Variants in GDA observed in about 807,000 individuals in gnomAD.
GDA encodes the protein guanine deaminase.
A neutral mutation model predicts 59.6 loss-of-function variants in GDA; 18 were observed. The ratio of observed to expected loss-of-function variants is 0.30; its 90% confidence interval spans 0.21 to 0.45. The LOEUF (loss-of-function observed/expected upper bound fraction) is 0.45. GDA is among the 20% of genes least tolerant of loss of function. The pLI, the probability that GDA is intolerant of heterozygous loss-of-function variation, is 1.00. For synonymous variants in GDA, 201 were observed against 201.1 expected (o/e 1.00, Z 0.00); for missense variants, 427 against 552.3 (o/e 0.77, Z 2.27).
At chr9:72,168,804 G>T (rs1338842244) in intron 1 of GDA, among the ~76,000 whole-genome samples, 1 of 152,164 alleles carries the variant, frequency 6.6e-6, no homozygotes, top group Non-Finnish European at 1.5e-5. Context: ...CTATTTTTCA[G>T]ATGAGGAAAC....
At chr9:72,193,334 G>A (rs1832777193) in intron 1 of GDA, among the ~76,000 whole-genome samples, 1 of 152,224 alleles carries the variant, frequency 6.6e-6, no homozygotes, top group Admixed American at 6.5e-5. Context: ...ATCTGCTTTA[G>A]GGGGCACCCC....
chr9:72,211,627 G>A (rs190074692), intron 4 of GDA, among the ~76,000 whole-genome samples: 213 of 152,306 alleles, frequency 1.4e-3, no homozygotes, highest in Non-Finnish European at 1.2e-3. Flanking sequence ...AGAGAACCCA[G>A]AACTACGACA....
At chr9:72,225,330 A>G (rs546242927) in intron 7 of GDA, among the ~76,000 whole-genome samples, 1 of 152,274 alleles carries the variant, frequency 6.6e-6, no homozygotes, top group East Asian at 1.9e-4. Flanking sequence ...TAGGGTCCTG[A>G]CTATCTTCAA....
chr9:72,174,777 G>C lies in GDA; in HGVS notation c.124-20723G>C, dbSNP rs138363508. ...ATATATATATAGAGAGAGAGAGAGA[G>C]AGACAGACAGACAGACAGAGACAGA... On this transcript the variant is annotated intron_variant, in intron 1 of 13. Coordinates refer to ENST00000358399, the MANE Select transcript of GDA (RefSeq NM_004293.5). 8.1e-3 allele frequency among the ~76,000 whole-genome samples: 1,223 copies of C among 151,906 alleles called. 13 individuals carry two copies. Among genetic ancestry groups the C allele is most frequent in the African/African-American group, 0.027 (1,114 of 41,338 alleles).
chr9:72,175,766 C>G (rs1830475508), intron 1 of GDA, among the ~76,000 whole-genome samples: 1 of 152,138 alleles, frequency 6.6e-6, no homozygotes, highest in African/African-American at 2.4e-5. Flanking sequence ...ACTTTTACAA[C>G]AGAATACCTT....
At chr9:72,132,346 C>T (rs1039857917) in intron 1 of GDA, among the ~76,000 whole-genome samples, 1 of 152,124 alleles carries the variant, frequency 6.6e-6, no homozygotes, top group East Asian at 1.9e-4. Context: ...AGAACACTCT[C>T]CCATGTCACA....
chr9:72,248,965 C>A lies in GDA; in HGVS notation c.*623C>A. 2 of 984,378 alleles carry A rather than the reference C, an allele frequency of 2.0e-6. No homozygotes were observed. The highest frequency in any genetic ancestry group is 2.4e-6 in the Non-Finnish European group (2 of 828,630). 61.0% of individuals were successfully genotyped at this position (984,378 alleles called of 1,614,324 possible). A position where few individuals can be genotyped will look rare whatever the true frequency, so the allele number is the denominator to read the frequency against. On this transcript the variant is annotated 3_prime_UTR_variant, in exon 14 of 14. Transcript: ENST00000358399. ...ATGTGTTAGTGTTGTGCTTTGCCTTCTTTGGCGATGAATGTCAGAAATTGA... is the reference window on the plus strand; with the variant it reads ...ATGTGTTAGTGTTGTGCTTTGCCTTATTTGGCGATGAATGTCAGAAATTGA...
In GDA at chr9:72,251,383, A is replaced by G. The variant is rs1840667475; in HGVS notation, c.*3041A>G. The G allele has an allele frequency of 6.5e-6, 1 of 153,260 alleles. No individual in the cohort carries two copies. Among genetic ancestry groups the G allele is most frequent in the African/African-American group, 2.4e-5 (1 of 41,414 alleles). The allele number at this position is 153,260 out of a possible 1,614,324, so 9.5% of individuals were successfully genotyped here. A position where few individuals can be genotyped will look rare whatever the true frequency, so the allele number is the denominator to read the frequency against. On this transcript the variant is annotated 3_prime_UTR_variant, in exon 14 of 14. Coordinates refer to ENST00000358399, the MANE Select transcript of GDA (RefSeq NM_004293.5). Reference sequence around the variant, plus strand: ...TCACCTCAGAACTAGACATATGGAGAGCTTTAAAGGCAAGCTGGAAGGCAC... The same window carrying G: ...TCACCTCAGAACTAGACATATGGAGGGCTTTAAAGGCAAGCTGGAAGGCAC...
At chr9:72,214,097 G>A in intron 5 of GDA, 106 bp downstream of exon 5, 2 of 685,516 alleles carry the variant, frequency 2.9e-6, no homozygotes, top group Non-Finnish European at 5.2e-6. Context: ...CACCCAGTTG[G>A]GATGTGCACA....
chr9:72,151,903 A>G (rs1427582910), intron 1 of GDA, among the ~76,000 whole-genome samples: 1 of 152,104 alleles, frequency 6.6e-6, no homozygotes, highest in Non-Finnish European at 1.5e-5. Context: ...GCGCCGGCCA[A>G]TGATCTGTAA....
intron 2 of GDA, among the ~76,000 whole-genome samples, chr9:72,200,279 A>T (rs1833818484): frequency 6.6e-6 from 1 of 152,012 alleles, no homozygotes; most frequent in Non-Finnish European, 1.5e-5. Context: ...TACAGGCGTG[A>T]GCCACCGTGC....
At chr9:72,141,725 C>T (rs1157306727) in intron 1 of GDA, among the ~76,000 whole-genome samples, 1 of 152,154 alleles carries the variant, frequency 6.6e-6, no homozygotes, top group African/African-American at 2.4e-5. Flanking sequence ...TTTAGATCCA[C>T]GGTCAGCTCA....
intron 4 of GDA, 117 bp from the exon 5 acceptor site, chr9:72,213,769 A>C (rs1168105521): frequency 6.9e-6 from 4 of 578,284 alleles, no homozygotes; most frequent in Admixed American, 2.9e-5. Context: ...CGCCACTGCA[A>C]TCTGGCCTGG....
chr9:72,133,381 A>G (rs1826106619), intron 1 of GDA, among the ~76,000 whole-genome samples: 1 of 150,818 alleles, frequency 6.6e-6, no homozygotes, highest in Admixed American at 6.6e-5. Context: ...TACTTAATCT[A>G]TATTATCTAT....
intron 2 of GDA, among the ~76,000 whole-genome samples, chr9:72,201,152 AC>A (rs758047047): frequency 2.6e-5 from 4 of 151,336 alleles, no homozygotes; most frequent in Non-Finnish European, 5.9e-5. Flanking sequence ...TGATGCTACT[AC>A]TATCTCCATT....
In GDA at chr9:72,248,256, T is replaced by A; in HGVS notation, c.1295-16T>A. 6.4e-7 allele frequency: 1 copy of A among 1,570,604 alleles called. No individual in the cohort carries two copies. Among genetic ancestry groups the A allele is most frequent in the East Asian group, 2.2e-5 (1 of 44,658 alleles). ...ACAAAAGGATTTTATACATGATTCCTTGATTTTTCTTTCAGGAGATGATCG... is the reference window on the plus strand; with the variant it reads ...ACAAAAGGATTTTATACATGATTCCATGATTTTTCTTTCAGGAGATGATCG... On this transcript the variant is annotated splice_polypyrimidine_tract_variant and intron_variant, in intron 13 of 13. Coordinates refer to ENST00000358399, the MANE Select transcript of GDA (RefSeq NM_004293.5).
chr9:72,164,124 G>A (rs1335463475), intron 1 of GDA, among the ~76,000 whole-genome samples: 2 of 152,196 alleles, frequency 1.3e-5, no homozygotes, highest in Non-Finnish European at 2.9e-5. Flanking sequence ...AGCAGATGTT[G>A]ACTTGCTGGT....
At chr9:72,116,169 G>A (rs1052133010) in intron 1 of GDA, among the ~76,000 whole-genome samples, 1 of 151,958 alleles carries the variant, frequency 6.6e-6, no homozygotes, top group African/African-American at 2.4e-5. Context: ...GGGAGGGGGA[G>A]GTTGCGGTGA....
intron 2 of GDA, among the ~76,000 whole-genome samples, chr9:72,197,250 T>C (rs1368418459): frequency 6.6e-6 from 1 of 152,216 alleles, no homozygotes; most frequent in African/African-American, 2.4e-5. Flanking sequence ...AATGTTTCAC[T>C]CCACCTGCAG....
Sources: gnomAD v4.1 joint callset for allele counts (sites outside exome capture counted in the v4.1 genomes callset) on GRCh38, gnomAD v4.1.1 for gene constraint, MANE v1.5 for transcripts, NCBI Gene and HGNC (gene_info 2026-07-23, HGNC 2026-07-21) for gene names.